Variants in ROR1 observed in about 807,000 individuals in gnomAD.
ROR1 encodes inactive tyrosine-protein kinase transmembrane receptor ROR1.
ROR1 carries 19 observed loss-of-function variants against 78.8 expected under a neutral mutation model. That is an observed-to-expected ratio of 0.24 (90% CI 0.17 to 0.35). ROR1 has a LOEUF of 0.35. ROR1 is among the 10% of genes least tolerant of loss of function. The probability of loss-of-function intolerance (pLI) is 1.00; values close to 1 mark genes in which losing one functional copy is unlikely to be tolerated. For synonymous variants in ROR1, 386 were observed against 433.6 expected (o/e 0.89, Z 1.36); for missense variants, 917 against 1,177.8 (o/e 0.78, Z 3.24).
At chr1:64,037,348 G>A (rs978512809) in intron 2 of ROR1, among the ~76,000 whole-genome samples, 1 of 152,168 alleles carries the variant, frequency 6.6e-6, no homozygotes, top group Non-Finnish European at 1.5e-5. Context: ...TCAGCTGGAA[G>A]CCATGATTTT....
intron 1 of ROR1, among the ~76,000 whole-genome samples, chr1:63,904,555 G>T (rs565548228): frequency 6.6e-6 from 1 of 152,306 alleles, no homozygotes; most frequent in African/African-American, 2.4e-5. Context: ...ATGAATTGAG[G>T]TGTGTCCCTT....
At chr1:64,146,122 T>C (rs371645482) in intron 7 of ROR1, among the ~76,000 whole-genome samples, 15 of 152,224 alleles carry the variant, frequency 9.9e-5, no homozygotes, top group African/African-American at 3.6e-4. Flanking sequence ...TGCCTTGGCC[T>C]CCTGAGTACC....
At chr1:63,823,668 G>C (rs1003353149) in intron 1 of ROR1, among the ~76,000 whole-genome samples, 1 of 151,850 alleles carries the variant, frequency 6.6e-6, no homozygotes, top group Non-Finnish European at 1.5e-5. Context: ...GCACAGGCTG[G>C]TCCTGAACTC....
intron 4 of ROR1, among the ~76,000 whole-genome samples, chr1:64,066,100 C>T (rs1279884460): frequency 6.6e-6 from 1 of 152,112 alleles, no homozygotes; most frequent in African/African-American, 2.4e-5. Flanking sequence ...CAGTGGATGG[C>T]CTGGTATTTT....
At chr1:63,897,608 T>C (rs1161027737) in intron 1 of ROR1, among the ~76,000 whole-genome samples, 2 of 152,204 alleles carry the variant, frequency 1.3e-5, no homozygotes, top group African/African-American at 4.8e-5. Context: ...AAATATTTTT[T>C]GAACACCTAC....
chr1:63,995,881 G>A (rs1301024363), intron 1 of ROR1, among the ~76,000 whole-genome samples: 1 of 152,130 alleles, frequency 6.6e-6, no homozygotes, highest in Non-Finnish European at 1.5e-5. Flanking sequence ...CATGCTATTA[G>A]CCAAAGCAAG....
chr1:64,126,278 T>A, intron 4 of ROR1, among the ~76,000 whole-genome samples: 1 of 152,190 alleles, frequency 6.6e-6, no homozygotes, highest in East Asian at 1.9e-4. Context: ...GGGCTGAAGA[T>A]GTCCATGGGG....
At chr1:64,154,151 G>A (rs763505556) in intron 7 of ROR1, among the ~76,000 whole-genome samples, 1 of 152,002 alleles carries the variant, frequency 6.6e-6, no homozygotes, top group Non-Finnish European at 1.5e-5. Flanking sequence ...GAATTCATTT[G>A]AGAATACATA....
chr1:64,022,504 A>G (rs1442864954), intron 2 of ROR1, among the ~76,000 whole-genome samples: 1 of 152,212 alleles, frequency 6.6e-6, no homozygotes, highest in African/African-American at 2.4e-5. Flanking sequence ...TCTGAGGGCT[A>G]CAAAAATGAA....
At chr1:63,932,086 A>T (rs1448650695) in intron 1 of ROR1, among the ~76,000 whole-genome samples, 1 of 152,214 alleles carries the variant, frequency 6.6e-6, no homozygotes, top group Admixed American at 6.5e-5. Flanking sequence ...GATAATATTT[A>T]TAAAGTACCT....
At chr1:63,831,989 G>A (rs1301632332) in intron 1 of ROR1, among the ~76,000 whole-genome samples, 5 of 152,042 alleles carry the variant, frequency 3.3e-5, no homozygotes, top group Non-Finnish European at 7.4e-5. Context: ...CAAGTTTAAG[G>A]TTACACAGAT....
intron 1 of ROR1, among the ~76,000 whole-genome samples, chr1:63,874,012 G>A (rs1380823603): frequency 6.6e-6 from 1 of 152,138 alleles, no homozygotes; most frequent in African/African-American, 2.4e-5. Flanking sequence ...TTAAGAACTG[G>A]TCTCGTCGCT....
At chr1:63,944,075 G>A (rs1026389578) in intron 1 of ROR1, among the ~76,000 whole-genome samples, 9 of 152,166 alleles carry the variant, frequency 5.9e-5, no homozygotes, top group Non-Finnish European at 8.8e-5. Flanking sequence ...AGTATTATTA[G>A]CATGTTGGGA....
chr1:64,100,209 T>A (rs1263234510), intron 4 of ROR1, among the ~76,000 whole-genome samples: 1 of 151,936 alleles, frequency 6.6e-6, no homozygotes, highest in East Asian at 1.9e-4. Flanking sequence ...TGACCATGTG[T>A]GGTGGCTCGT....
chr1:63,824,075 T>C (rs1644939592), intron 1 of ROR1, among the ~76,000 whole-genome samples: 1 of 152,244 alleles, frequency 6.6e-6, no homozygotes, highest in Non-Finnish European at 1.5e-5. Context: ...AGAAAAGACA[T>C]ATTAATATGA....
intron 1 of ROR1, among the ~76,000 whole-genome samples, chr1:63,949,990 A>C (rs776044885): frequency 6.6e-6 from 1 of 152,080 alleles, no homozygotes; most frequent in Non-Finnish European, 1.5e-5. Flanking sequence ...TTCCTTTCTC[A>C]TCCAAATCTG....
At chr1:63,940,151 C>T (rs1192388455) in intron 1 of ROR1, among the ~76,000 whole-genome samples, 1 of 152,112 alleles carries the variant, frequency 6.6e-6, no homozygotes, top group Non-Finnish European at 1.5e-5. Flanking sequence ...ATTTGAGCAA[C>T]AGCTACATGC....
Position 63,774,140 on chromosome 1 carries a change from TCA to T in ROR1, c.-276_-275del. The stretch of plus-strand genomic sequence containing the variant: ...TTCTCGGAGTCCGACCCAGGGCGAC[TCA>T]CGCCCACTGGTGCGACCCGGACAGC... On this transcript the variant is annotated 5_prime_UTR_variant, in exon 1 of 9. Transcript: ENST00000371079. This position sits in a 1 kb window ranked among gnomAD's most constrained non-coding sequence, Gnocchi z 5.7. The T allele has an allele frequency of 5.1e-6, 1 of 196,092 alleles. No homozygotes were observed. Among genetic ancestry groups the T allele is most frequent in the Non-Finnish European group, 1.0e-5 (1 of 97,426 alleles). The allele number at this position is 196,092 out of a possible 1,614,324, so 12.1% of individuals were successfully genotyped here.
At chr1:64,088,952 A>T (rs1647174714) in intron 4 of ROR1, among the ~76,000 whole-genome samples, 1 of 152,174 alleles carries the variant, frequency 6.6e-6, no homozygotes, top group Non-Finnish European at 1.5e-5. Flanking sequence ...CTTTAAAATG[A>T]CAAATCTGGT....
Sources: gnomAD v4.1 joint callset for allele counts (sites outside exome capture counted in the v4.1 genomes callset) on GRCh38, gnomAD v4.1.1 for gene constraint, Gnocchi (gnomAD v3.1) non-coding constraint, MANE v1.5 for transcripts, NCBI Gene and HGNC (gene_info 2026-07-23, HGNC 2026-07-21) for gene names.